Variants in SYNE2 observed in about 807,000 individuals in gnomAD.
SYNE2 encodes the protein nesprin-2.
SYNE2 carries 431 observed loss-of-function variants against 856.3 expected under a neutral mutation model. The ratio of observed to expected loss-of-function variants is 0.50; its 90% CI spans 0.47 to 0.55. The LOEUF is 0.55. Among genes scored for constraint, SYNE2 ranks in the 20% least tolerant of loss-of-function variants. The pLI is 0.00. For synonymous variants in SYNE2, 2,923 were observed against 2,872.3 expected (o/e 1.02, Z -0.56); for missense variants, 8,129 against 8,023.2 (o/e 1.01, Z -0.50).
At chr14:64,180,296 C>T (rs1436974144) in intron 96 of SYNE2, among the ~76,000 whole-genome samples, 1 of 152,170 alleles carries the variant, frequency 6.6e-6, no homozygotes, top group East Asian at 1.9e-4. Context: ...TCTCACATTA[C>T]TTTGGATGTC....
intron 96 of SYNE2, among the ~76,000 whole-genome samples, chr14:64,184,953 C>G (rs2098481266): frequency 1.3e-5 from 2 of 152,152 alleles, no homozygotes; most frequent in Non-Finnish European, 2.9e-5. Context: ...CACACTTATC[C>G]CTGATTTTAG....
intron 96 of SYNE2, among the ~76,000 whole-genome samples, chr14:64,185,507 C>T (rs894235690): frequency 2.5e-4 from 31 of 122,376 alleles, no homozygotes; most frequent in African/African-American, 3.7e-4. Flanking sequence ...TTTTCTTTTT[C>T]TTTTTCTTTT....
chr14:64,145,783 T>A (rs2098179699), intron 83 of SYNE2, among the ~76,000 whole-genome samples: 1 of 152,178 alleles, frequency 6.6e-6, no homozygotes, highest in Non-Finnish European at 1.5e-5. Context: ...TGAAAAAATA[T>A]CGAATGTTGG....
intron 2 of SYNE2, among the ~76,000 whole-genome samples, chr14:63,922,815 A>G (rs938532480): frequency 3.3e-5 from 5 of 152,220 alleles, no homozygotes; most frequent in Admixed American, 6.5e-5. Flanking sequence ...CCTGAATCAG[A>G]ATCTCTGGGA....
At chr14:64,130,521 A>G (rs1187727491) in intron 76 of SYNE2, among the ~76,000 whole-genome samples, 2 of 152,220 alleles carry the variant, frequency 1.3e-5, no homozygotes, top group African/African-American at 4.8e-5. Context: ...CTTCAAACAA[A>G]TTTAAAATTA....
intron 1 of SYNE2, among the ~76,000 whole-genome samples, chr14:63,865,801 C>A (rs1895145155): frequency 6.7e-6 from 1 of 148,978 alleles, no homozygotes; most frequent in Admixed American, 6.9e-5. Context: ...CAAGCAAGAC[C>A]TTGTTTTTAC....
intron 1 of SYNE2, among the ~76,000 whole-genome samples, chr14:63,822,800 C>A (rs1889271589): frequency 1.3e-5 from 2 of 152,048 alleles, no homozygotes; most frequent in South Asian, 4.2e-4. Context: ...ACGGTAGACA[C>A]CTATATTTAA....
At chr14:64,013,416 A>C (rs1005615771) in intron 32 of SYNE2, among the ~76,000 whole-genome samples, 2 of 151,386 alleles carry the variant, frequency 1.3e-5, no homozygotes, top group Middle Eastern at 3.4e-3. Context: ...CTTTTAGTGG[A>C]ACCTATCACC....
At chr14:63,846,687 C>T (rs751451985) in intron 1 of SYNE2, among the ~76,000 whole-genome samples, 16 of 151,986 alleles carry the variant, frequency 1.1e-4, no homozygotes, top group Non-Finnish European at 2.2e-4. Flanking sequence ...CCTCTGCATC[C>T]TGGGTTCCAG....
rs1353954763 is a variant in SYNE2 at position 63,853,106 on chromosome 14, G to T, written c.-89G>T. The T allele has an allele frequency of 6.6e-6, 1 of 151,786 alleles. No individual in the cohort carries two copies. The highest frequency in any genetic ancestry group is 1.5e-5 in the Non-Finnish European group (1 of 67,958). 9.4% of individuals were successfully genotyped at this position (151,786 alleles called of 1,614,324 possible). A position where few individuals can be genotyped will look rare whatever the true frequency, so the allele number is the denominator to read the frequency against. Reference sequence around the variant, plus strand: ...GCAAGCGGGGCGCCGACCTCGGGCGGCCCCGGCCCGCGCCCTTGCCCCTCG... The same window carrying T: ...GCAAGCGGGGCGCCGACCTCGGGCGTCCCCGGCCCGCGCCCTTGCCCCTCG... On this transcript the variant is annotated 5_prime_UTR_variant, in exon 1 of 116. Transcript: ENST00000555002.
intron 45 of SYNE2, among the ~76,000 whole-genome samples, chr14:64,036,350 G>T (rs189245871): frequency 1.3e-5 from 2 of 152,052 alleles, no homozygotes; most frequent in East Asian, 3.9e-4. Context: ...GCAGTGGCGC[G>T]ATCTTGGCTC....
intron 67 of SYNE2, among the ~76,000 whole-genome samples, chr14:64,120,161 G>C (rs1449400254): frequency 6.6e-6 from 1 of 152,092 alleles, no homozygotes; most frequent in African/African-American, 2.4e-5. Flanking sequence ...ATGTGCTTAT[G>C]AGTGGTTCCT....
chr14:64,179,392 C>T (rs1175431020), intron 96 of SYNE2, among the ~76,000 whole-genome samples: 1 of 152,156 alleles, frequency 6.6e-6, no homozygotes, highest in African/African-American at 2.4e-5. Flanking sequence ...CCACCTGCCT[C>T]GGCCTCCCAA....
intron 65 of SYNE2, among the ~76,000 whole-genome samples, chr14:64,108,988 A>C (rs893926792): frequency 6.6e-6 from 1 of 151,854 alleles, no homozygotes; most frequent in African/African-American, 2.4e-5. Context: ...TGATCCTCCC[A>C]CCTTAGCCTC....
intron 65 of SYNE2, among the ~76,000 whole-genome samples, chr14:64,108,684 T>C (rs1277079058): frequency 6.6e-6 from 1 of 152,134 alleles, no homozygotes; most frequent in Non-Finnish European, 1.5e-5. Context: ...TGTCTAGTCT[T>C]ACAAAAATAT....
At chr14:63,845,653 T>G (rs1043028286) in intron 1 of SYNE2, among the ~76,000 whole-genome samples, 2 of 151,970 alleles carry the variant, frequency 1.3e-5, no homozygotes, top group Non-Finnish European at 2.9e-5. Flanking sequence ...TTCGCTTTTC[T>G]TTTTCTTTCT....
chr14:63,887,748 G>GTTT (rs1434604869), intron 1 of SYNE2, among the ~76,000 whole-genome samples: 1 of 136,544 alleles, frequency 7.3e-6, no homozygotes, highest in Non-Finnish European at 1.5e-5. Context: ...TGTGAGTCCT[G>GTTT]CTTTTTTTTT....
At chr14:63,899,054 C>T (rs544879185) in intron 1 of SYNE2, among the ~76,000 whole-genome samples, 8 of 152,294 alleles carry the variant, frequency 5.3e-5, no homozygotes, top group Non-Finnish European at 1.0e-4. Flanking sequence ...TCCCTGGCAG[C>T]ACCATTCTAC....
chr14:64,019,405 A>C lies in SYNE2; in HGVS notation c.5050-587A>C, dbSNP rs547091077. ...CGTTTTGTCTCTAACTATTTTATTT[A>C]CTTTTTAATTCATGTATTTATTTTT... On this transcript the variant is annotated intron_variant, in intron 34 of 115. Transcript: ENST00000555002. 2.0e-5 allele frequency among the ~76,000 whole-genome samples: 3 copies of C among 152,266 alleles called. No individual in the cohort carries two copies. In the East Asian group the frequency reaches 5.8e-4, roughly 29 times the overall value.
Sources: allele counts gnomAD v4.1 joint callset (sites outside exome capture counted in the v4.1 genomes callset), GRCh38; gene constraint gnomAD v4.1.1; transcripts MANE v1.5; gene names NCBI Gene and HGNC (gene_info 2026-07-23, HGNC 2026-07-21).